The following SLC1A6 variants were observed in gnomAD, a reference collection of about 807,000 sequenced individuals.
The protein encoded by SLC1A6 is solute carrier family 1 member 6.
SLC1A6 carries 15 observed loss-of-function variants against 42.1 expected under a neutral mutation model. That is an observed-to-expected ratio of 0.36 (90% CI 0.24 to 0.55). The LOEUF (loss-of-function observed/expected upper bound fraction) is 0.55. Among genes scored for constraint, SLC1A6 ranks in the 20% least tolerant of loss-of-function variants. SLC1A6 has a pLI of 0.88. For synonymous variants in SLC1A6, 317 were observed against 319.7 expected (o/e 0.99, Z 0.09); for missense variants, 542 against 772.5 (o/e 0.70, Z 3.54).
chr19:14,988,104 T>C (rs1600029552), intron 1 of SLC1A6, among the ~76,000 whole-genome samples: 1 of 152,102 alleles, frequency 6.6e-6, no homozygotes, highest in South Asian at 2.1e-4. Context: ...ACCCAGGAGG[T>C]GGAGAGCCTT....
In SLC1A6 at chr19:14,954,386, G is replaced by A. The variant is rs541573699; in HGVS notation, c.1170-57C>T. 7.3e-6 allele frequency: 11 copies of A among 1,516,500 alleles called. No homozygotes were observed. In the South Asian group the frequency reaches 1.1e-4, roughly 16 times the overall value. 93.9% of individuals were successfully genotyped at this position (1,516,500 alleles called of 1,614,324 possible). ...GCGTGGCCTGGTGGGGGCGGGGCTG[G>A]GAACAGGGTGTGGCCTAGTGGGGCA... is the stretch of plus-strand genomic sequence containing the variant. On this transcript the variant is annotated intron_variant, in intron 7 of 9. Transcript: ENST00000594383.
intron 1 of SLC1A6, among the ~76,000 whole-genome samples, chr19:14,994,931 G>A (rs184714205): frequency 3.8e-4 from 58 of 152,222 alleles, no homozygotes; most frequent in Admixed American, 3.8e-3. Context: ...GGATGAACTC[G>A]GAGAACATGA....
intron 1 of SLC1A6, among the ~76,000 whole-genome samples, chr19:14,995,195 C>T (rs1442106198): frequency 1.3e-5 from 2 of 151,814 alleles, no homozygotes; most frequent in East Asian, 1.9e-4. Flanking sequence ...CATGGTGGCA[C>T]ATGCCTGTAA....
chr19:14,996,528 T>TTTCTTCTTATTCTTC (rs1555710423), intron 1 of SLC1A6, among the ~76,000 whole-genome samples: 1 of 125,854 alleles, frequency 7.9e-6, no homozygotes, highest in Admixed American at 8.4e-5. Context: ...CCTCCTCCTC[T>TTTCTTCTTATTCTTC]TTCTTCTTCT....
chr19:14,995,029 A>T (rs750368820), intron 1 of SLC1A6, among the ~76,000 whole-genome samples: 1 of 152,154 alleles, frequency 6.6e-6, no homozygotes. Flanking sequence ...ACTCATAGAA[A>T]AAGAGAGTAG....
intron 3 of SLC1A6, among the ~76,000 whole-genome samples, chr19:14,969,605 T>A (rs970913866): frequency 6.6e-6 from 1 of 152,152 alleles, no homozygotes; most frequent in Non-Finnish European, 1.5e-5. Flanking sequence ...TCCTTGCGAG[T>A]TTCTCTTGAG....
At chr19:14,982,959 T>C (rs1248905791), upstream of SLC1A6, among the ~76,000 whole-genome samples, 1 of 152,236 alleles carries the variant, frequency 6.6e-6, no homozygotes, top group African/African-American at 2.4e-5. Context: ...AGAGTGACAT[T>C]GTTTTACACT....
chr19:14,976,002 C>A (rs574169883), intron 1 of SLC1A6, among the ~76,000 whole-genome samples: 16 of 152,234 alleles, frequency 1.1e-4, no homozygotes, highest in Non-Finnish European at 1.8e-4. Flanking sequence ...GTTCTCATAA[C>A]CAAGAAAGGG....
intron 1 of SLC1A6, among the ~76,000 whole-genome samples, chr19:15,002,347 G>A (rs926035441): frequency 6.6e-6 from 1 of 151,864 alleles, no homozygotes; most frequent in African/African-American, 2.4e-5. Context: ...TGTTGCCCAG[G>A]CTAGCCTCAA....
intron 6 of SLC1A6, among the ~76,000 whole-genome samples, chr19:14,958,872 C>T (rs1223111994): frequency 6.6e-6 from 1 of 152,200 alleles, no homozygotes; most frequent in African/African-American, 2.4e-5. Context: ...TTAATAAGCT[C>T]CCCACTCCCA....
chr19:14,975,871 A>AAAGGG (rs1164145452), intron 1 of SLC1A6, among the ~76,000 whole-genome samples: 6 of 40,200 alleles, frequency 1.5e-4, no homozygotes, highest in East Asian at 5.3e-4. Flanking sequence ...GAAGGGAAGG[A>AAAGGG]AAGGGAAGGG....
At chr19:14,970,505 A>C (rs961476988) in intron 3 of SLC1A6, among the ~76,000 whole-genome samples, 1 of 151,722 alleles carries the variant, frequency 6.6e-6, no homozygotes, top group Non-Finnish European at 1.5e-5. Context: ...AGGTCAGGAG[A>C]TCGAGACCAT....
At chr19:15,005,572 G>A (rs138112420) in intron 1 of SLC1A6, among the ~76,000 whole-genome samples, 2 of 152,194 alleles carry the variant, frequency 1.3e-5, no homozygotes, top group East Asian at 3.9e-4. Context: ...TATCAGGCTA[G>A]AGAAGTGTCC....
At chr19:14,973,006 C>A in intron 1 of SLC1A6, 89 bp from the exon 2 acceptor site, 2 of 1,053,160 alleles carry the variant, frequency 1.9e-6, no homozygotes, top group Admixed American at 2.8e-5. Context: ...GGGTAATGAG[C>A]GCTTCCTGAG....
intron 1 of SLC1A6, among the ~76,000 whole-genome samples, chr19:15,000,783 A>T (rs1249759937): frequency 2.6e-5 from 4 of 152,156 alleles, no homozygotes; most frequent in Admixed American, 6.5e-5. Context: ...CCAACTTGTC[A>T]TAAGGACACC....
At chr19:14,992,388 C>T (rs2045824755) in intron 1 of SLC1A6, among the ~76,000 whole-genome samples, 1 of 152,086 alleles carries the variant, frequency 6.6e-6, no homozygotes, top group Non-Finnish European at 1.5e-5. Flanking sequence ...CTGCCAGCTC[C>T]CTTTTACAGA....
intron 1 of SLC1A6, among the ~76,000 whole-genome samples, chr19:15,000,769 A>G (rs1437564960): frequency 6.6e-6 from 1 of 152,172 alleles, no homozygotes; most frequent in Non-Finnish European, 1.5e-5. Flanking sequence ...TCTTATACAC[A>G]TGGCCAACTT....
chr19:14,972,146 T>C (rs967645582), intron 2 of SLC1A6, among the ~76,000 whole-genome samples: 2 of 152,220 alleles, frequency 1.3e-5, no homozygotes, highest in African/African-American at 2.4e-5. Context: ...TATGTGACGG[T>C]AGACATTCAC....
At chr19:14,954,060 C>CA in intron 8 of SLC1A6, 75 bp downstream of exon 8, 1 of 1,219,022 alleles carries the variant, frequency 8.2e-7, no homozygotes, top group Non-Finnish European at 1.2e-6. Flanking sequence ...CCCCTCCTCC[C>CA]TCCCCAACCC....
Sources: gnomAD v4.1 joint callset for allele counts (sites outside exome capture counted in the v4.1 genomes callset) on GRCh38, gnomAD v4.1.1 for gene constraint, MANE v1.5 for transcripts, NCBI Gene and HGNC (gene_info 2026-07-23, HGNC 2026-07-21) for gene names.